Variants in PLEK observed in about 807,000 individuals in gnomAD.
PLEK encodes platelet 47 kDa protein.
Under a neutral mutation model 43.9 loss-of-function variants are expected in PLEK, and 25 were observed. That is an observed-to-expected ratio of 0.57 (90% CI 0.41 to 0.79). PLEK has a LOEUF of 0.79. PLEK is among the 30% of genes least tolerant of loss of function. The pLI, the probability that PLEK is intolerant of heterozygous loss-of-function variation, is 0.00. For synonymous variants in PLEK, 152 were observed against 144.4 expected, an observed-to-expected ratio of 1.05 and a Z score of -0.38; for missense variants, 396 against 413.3, an observed-to-expected ratio of 0.96 and a Z score of 0.36.
chr2:68,369,802 T>A (rs941637883), intron 1 of PLEK, among the ~76,000 whole-genome samples: 2 of 152,238 alleles, frequency 1.3e-5, no homozygotes, highest in African/African-American at 4.8e-5. Flanking sequence ...GAGATCTGAA[T>A]TTAAATCTAA....
At chr2:68,386,876 C>T (rs1425188371) in intron 5 of PLEK, among the ~76,000 whole-genome samples, 190 bp downstream of exon 5, 1 of 152,164 alleles carries the variant, frequency 6.6e-6, no homozygotes. Flanking sequence ...CATTTCCCAA[C>T]TCAACAGCTG....
chr2:68,366,690 C>T lies in PLEK; in HGVS notation c.42+1297C>T, dbSNP rs553641246. On this transcript the variant is annotated intron_variant, in intron 1 of 8. Transcript: ENST00000234313. ...GTAGCCAGCTGTGCTTCGAAACATC[C>T]TTTGGAAAAGACACACTTATACATA... Among the ~76,000 whole-genome samples, 31 of 152,302 alleles carry T rather than the reference C, an allele frequency of 2.0e-4. No homozygotes were observed. In the South Asian group the frequency reaches 6.4e-3, roughly 32 times the overall value.
At chr2:68,379,471 A>G (rs1573074228) in intron 1 of PLEK, among the ~76,000 whole-genome samples, 1 of 152,300 alleles carries the variant, frequency 6.6e-6, no homozygotes, top group Non-Finnish European at 1.5e-5. Context: ...TTTTCTCCTC[A>G]AAATAGGCAA....
intron 2 of PLEK, 62 bp from the exon 3 acceptor site, chr2:68,380,661 T>C (rs753697081): frequency 4.7e-5 from 72 of 1,533,584 alleles, no homozygotes; most frequent in Non-Finnish European, 6.2e-5. Flanking sequence ...GGCCTCTGCT[T>C]CATGAGGGGC....
Position 68,396,122 on chromosome 2 carries a change from G to T in PLEK, c.*306G>T. 7.8e-6 allele frequency: 2 copies of T among 255,198 alleles called. No homozygotes were observed. The highest frequency in any genetic ancestry group is 1.1e-4 in the South Asian group (1 of 8,770). 15.8% of individuals were successfully genotyped at this position (255,198 alleles called of 1,614,324 possible). ...TCTGGAAAATGAAGAAATTCAACTA[G>T]TAGATTCCTGAGGTCCCCCTAGCTT... On this transcript the variant is annotated 3_prime_UTR_variant, in exon 9 of 9. Transcript: ENST00000234313.
intron 8 of PLEK, 74 bp from the exon 9 acceptor site, chr2:68,395,606 G>T (rs1222113206): frequency 6.6e-7 from 1 of 1,505,986 alleles, no homozygotes; most frequent in African/African-American, 1.4e-5. Flanking sequence ...AGATTTCATG[G>T]CTTGCAGAGG....
intron 1 of PLEK, among the ~76,000 whole-genome samples, chr2:68,378,054 T>G (rs1673539039): frequency 6.6e-6 from 1 of 152,340 alleles, no homozygotes; most frequent in South Asian, 2.1e-4. Context: ...TGTATACATA[T>G]GTATTTAAAG....
chr2:68,382,568 C>T lies in PLEK; in HGVS notation c.407C>T (p.Thr136Ile). ...LGALYLSMKD[T>I]EKGIKELNLE... ...GCCTTATATTTGTCCATGAAAGACACTGAAAAAGGAATAAAAGAACTGAAT... is the reference window on the plus strand; with the variant it reads ...GCCTTATATTTGTCCATGAAAGACATTGAAAAAGGAATAAAAGAACTGAAT... Residue 136 changes from threonine (T) to isoleucine (I), a missense_variant, in exon 4 of 9, where the codon ACT becomes ATT. Coordinates refer to ENST00000234313, the MANE Select transcript of PLEK (RefSeq NM_002664.3). 2 of 1,597,310 alleles carry T rather than the reference C, an allele frequency of 1.3e-6. No individual in the cohort carries two copies. Among genetic ancestry groups the T allele is most frequent in the Non-Finnish European group, 1.7e-6 (2 of 1,165,014 alleles).
At chr2:68,369,353 T>C (rs1422184825) in intron 1 of PLEK, among the ~76,000 whole-genome samples, 2 of 152,142 alleles carry the variant, frequency 1.3e-5, no homozygotes, top group African/African-American at 2.4e-5. Context: ...GCCTAACCAC[T>C]TTCTATGTGG....
At position 68,395,963 on chromosome 2, in the gene PLEK, A is replaced by G. The variant is rs945304554; in HGVS notation, c.*147A>G. ...CAGGGGGGTCTGAATGTAACTCACC[A>G]TGTGGTGTGCAAGGTTCCCCTGCAT... On this transcript the variant is annotated 3_prime_UTR_variant, in exon 9 of 9. Coordinates refer to ENST00000234313, the MANE Select transcript of PLEK (RefSeq NM_002664.3). The G allele has an allele frequency of 2.9e-5, 20 of 686,008 alleles. No individual in the cohort carries two copies. Among genetic ancestry groups the G allele is most frequent in the Non-Finnish European group, 4.6e-5 (18 of 388,964 alleles). The allele number at this position is 686,008 out of a possible 1,614,324, so 42.5% of individuals were successfully genotyped here. A position where few individuals can be genotyped will look rare whatever the true frequency, so the allele number is the denominator to read the frequency against.
Position 68,393,206 on chromosome 2 carries a change from A to G in PLEK, c.807A>G (p.Arg269=). The part of the protein sequence containing the change: ...KNWKVRKFIL[R]EDPAYLHYYD... Reference sequence around the variant, plus strand: ...GGAAAGTGAGGAAGTTCATCTTGAGAGAAGACCCTGCCTACCTGCACTACT... The same window carrying G: ...GGAAAGTGAGGAAGTTCATCTTGAGGGAAGACCCTGCCTACCTGCACTACT... The change falls in exon 7 of 9, where the codon AGA becomes AGG. Residue 269 remains arginine (R), a synonymous_variant. Transcript: ENST00000234313. 1.9e-6 allele frequency: 3 copies of G among 1,613,114 alleles called. No individual in the cohort carries two copies. Among genetic ancestry groups the G allele is most frequent in the South Asian group, 2.2e-5 (2 of 91,066 alleles).
chr2:68,384,141 T>G (rs1182005934), intron 4 of PLEK, among the ~76,000 whole-genome samples: 4 of 150,960 alleles, frequency 2.6e-5, no homozygotes, highest in Non-Finnish European at 5.9e-5. Context: ...ATTGGGCTGG[T>G]TTTTTTCTTC....
rs773095394 is a variant in PLEK, at chr2:68,388,511, C to T, written c.762+20C>T. The T allele has an allele frequency of 4.0e-6, 5 of 1,236,676 alleles. No individual in the cohort carries two copies. The highest frequency in any genetic ancestry group is 3.0e-5 in the African/African-American group (2 of 67,718). 76.6% of individuals were successfully genotyped at this position (1,236,676 alleles called of 1,614,324 possible). ...AAGCAGGTGAGTGGCCACAACTGCT[C>T]CCATCTAGCCTTTTCCCTTTACAAG... is the stretch of plus-strand genomic sequence containing the variant. On this transcript the variant is annotated intron_variant, in intron 6 of 8. Transcript: ENST00000234313.
In PLEK at chr2:68,393,155, G is replaced by C. The variant is rs74569104; in HGVS notation, c.763-7G>C. On this transcript the variant is annotated splice_polypyrimidine_tract_variant and splice_region_variant and intron_variant, in intron 6 of 8. Transcript: ENST00000234313. The stretch of plus-strand genomic sequence containing the variant: ...ATCCCTTCTTTTAATGTTGATCCTG[G>C]ATACAGGGGCATAGAAGGAAAAACT... The C allele has an allele frequency of 6.8e-4, 1,084 of 1,585,780 alleles. 19 individuals are homozygous for C. The East Asian group carries it at 0.022, about 32-fold the overall frequency.
chr2:68,385,718 AT>A (rs1489240482), intron 4 of PLEK, among the ~76,000 whole-genome samples: 1 of 152,160 alleles, frequency 6.6e-6, no homozygotes, highest in Admixed American at 6.6e-5. Context: ...ACGCCTACTC[AT>A]ATTTTAAGCC....
At chr2:68,376,504 C>A (rs189015500) in intron 1 of PLEK, among the ~76,000 whole-genome samples, 19 of 152,266 alleles carry the variant, frequency 1.2e-4, no homozygotes, top group Admixed American at 3.3e-4. Context: ...TCTATAGGAT[C>A]ATTTTAGGAA....
chr2:68,373,179 G>T (rs942310048), intron 1 of PLEK, among the ~76,000 whole-genome samples: 1 of 152,082 alleles, frequency 6.6e-6, no homozygotes, highest in Non-Finnish European at 1.5e-5. Flanking sequence ...TGAGAAACTG[G>T]TAGCTGCAGT....
At chr2:68,381,592 T>C (rs1283074113) in intron 3 of PLEK, among the ~76,000 whole-genome samples, 1 of 152,210 alleles carries the variant, frequency 6.6e-6, no homozygotes, top group African/African-American at 2.4e-5. Flanking sequence ...GCAGGAGCCC[T>C]GTTGAGAAGA....
chr2:68,376,005 T>G (rs1243157056), intron 1 of PLEK, among the ~76,000 whole-genome samples: 1 of 152,214 alleles, frequency 6.6e-6, no homozygotes, highest in Non-Finnish European at 1.5e-5. Flanking sequence ...TTCATACAAC[T>G]TAGCCATGCC....
Sources: gnomAD v4.1 joint callset for allele counts (sites outside exome capture counted in the v4.1 genomes callset) on GRCh38, gnomAD v4.1.1 for gene constraint, MANE v1.5 for transcripts, NCBI Gene and HGNC (gene_info 2026-07-23, HGNC 2026-07-21) for gene names.